The following CSMD1 variants were observed in gnomAD, a reference collection of about 807,000 sequenced individuals.
The protein encoded by CSMD1 is CUB and sushi domain-containing protein 1.
Under a neutral mutation model 417.5 loss-of-function variants are expected in CSMD1, and 213 were observed. That is an observed-to-expected ratio of 0.51 (90% CI 0.46 to 0.57). The LOEUF (loss-of-function observed/expected upper bound fraction) is 0.57. Among genes scored for constraint, CSMD1 ranks in the 20% least tolerant of loss-of-function variants. The probability of loss-of-function intolerance (pLI) is 0.00; values close to 1 mark genes in which losing one functional copy is unlikely to be tolerated. For missense variants in CSMD1, 6,923 were observed against 4,529.7 expected (o/e 1.53, Z -15.17); for synonymous variants, 2,862 against 1,736.8 (o/e 1.65, Z -16.11).
intron 3 of CSMD1, among the ~76,000 whole-genome samples, chr8:4,371,248 C>A (rs1255663982): frequency 6.6e-6 from 1 of 152,124 alleles, no homozygotes; most frequent in Non-Finnish European, 1.5e-5. Flanking sequence ...AGGACCAGGT[C>A]AGCAGTTTGG....
chr8:4,452,161 CA>C (rs1799184090), intron 2 of CSMD1, among the ~76,000 whole-genome samples: 1 of 152,040 alleles, frequency 6.6e-6, no homozygotes, highest in African/African-American at 2.4e-5. Context: ...TGGGAGTTTC[CA>C]TGCCTCTTCC....
intron 1 of CSMD1, among the ~76,000 whole-genome samples, chr8:4,830,638 T>C (rs946439177): frequency 3.9e-5 from 6 of 152,244 alleles, no homozygotes; most frequent in African/African-American, 1.4e-4. Flanking sequence ...TGGTAGTTTT[T>C]TATTGCTAAG....
At chr8:4,452,592 G>A (rs765067567) in intron 2 of CSMD1, among the ~76,000 whole-genome samples, 35 of 152,084 alleles carry the variant, frequency 2.3e-4, no homozygotes, top group Admixed American at 9.2e-4. Flanking sequence ...TCAGAAAACC[G>A]GTAACGAAAA....
intron 2 of CSMD1, among the ~76,000 whole-genome samples, chr8:4,489,381 A>G (rs568053506): frequency 1.2e-4 from 18 of 152,216 alleles, no homozygotes; most frequent in Admixed American, 1.0e-3. Context: ...TATATTTCAC[A>G]TGCAATCCCC....
intron 4 of CSMD1, among the ~76,000 whole-genome samples, chr8:3,999,326 T>C (rs1246728606): frequency 6.6e-6 from 1 of 152,150 alleles, no homozygotes; most frequent in East Asian, 1.9e-4. Context: ...TCTTACAAAG[T>C]GCATATCTTC....
intron 1 of CSMD1, among the ~76,000 whole-genome samples, chr8:4,855,488 C>T (rs111535480): frequency 0.2 from 29,744 of 151,856 alleles, 3,781 homozygotes; most frequent in Non-Finnish European, 0.28. Flanking sequence ...GACATTCAAA[C>T]GAAAGGCAAA....
At chr8:3,095,239 A>G (rs1815215583) in intron 47 of CSMD1, among the ~76,000 whole-genome samples, 1 of 152,186 alleles carries the variant, frequency 6.6e-6, no homozygotes, top group Admixed American at 6.5e-5. Flanking sequence ...CTATATATAC[A>G]CAAACACAAA....
chr8:4,071,438 A>C (rs1028611097), intron 3 of CSMD1, among the ~76,000 whole-genome samples: 1 of 152,048 alleles, frequency 6.6e-6, no homozygotes, highest in Non-Finnish European at 1.5e-5. Context: ...TATTCATTTG[A>C]TTTTCATTTT....
chr8:3,648,809 T>G (rs17066764), intron 7 of CSMD1, among the ~76,000 whole-genome samples: 10,390 of 137,860 alleles, frequency 0.075, 702 homozygotes, highest in East Asian at 0.18. Flanking sequence ...GGCACCCCTC[T>G]CAGAACATGA....
intron 7 of CSMD1, chr8:3,704,893 G>A (rs1289014718): frequency 6.6e-6 from 1 of 152,236 alleles, no homozygotes. Context: ...ATAATGAACA[G>A]GACTTTGGGT....
At chr8:4,886,614 CTG>C (rs1803756946) in intron 1 of CSMD1, among the ~76,000 whole-genome samples, 1 of 151,948 alleles carries the variant, frequency 6.6e-6, no homozygotes, top group African/African-American at 2.4e-5. Flanking sequence ...AGCAGTAAAA[CTG>C]TGATGCCTGG....
At chr8:4,045,731 G>T (rs767299356) in intron 3 of CSMD1, among the ~76,000 whole-genome samples, 1 of 152,152 alleles carries the variant, frequency 6.6e-6, no homozygotes, top group Non-Finnish European at 1.5e-5. Flanking sequence ...AAAATAAAAC[G>T]TGTGAACACC....
intron 3 of CSMD1, among the ~76,000 whole-genome samples, chr8:4,188,041 C>G (rs1298991677): frequency 6.6e-6 from 1 of 152,078 alleles, no homozygotes; most frequent in Non-Finnish European, 1.5e-5. Flanking sequence ...ACAGTGCAAA[C>G]TTCGTCCTAG....
At chr8:4,036,040 T>A (rs946239343) in intron 3 of CSMD1, among the ~76,000 whole-genome samples, 1 of 152,230 alleles carries the variant, frequency 6.6e-6, no homozygotes, top group Non-Finnish European at 1.5e-5. Flanking sequence ...ACACATATAC[T>A]GACCATTATG....
intron 1 of CSMD1, among the ~76,000 whole-genome samples, chr8:4,959,961 G>C (rs73659419): frequency 0.015 from 2,299 of 152,172 alleles, 61 homozygotes; most frequent in African/African-American, 0.052. Context: ...CTTAAAAATA[G>C]GAAAATGTAT....
chr8:4,972,315 C>T (rs1413392769), intron 1 of CSMD1, among the ~76,000 whole-genome samples: 1 of 151,884 alleles, frequency 6.6e-6, no homozygotes, highest in Non-Finnish European at 1.5e-5. Flanking sequence ...TAATCCCCTA[C>T]TCCCGATAAT....
chr8:4,560,477 CCT>C (rs927127244), intron 2 of CSMD1, among the ~76,000 whole-genome samples: 116 of 152,262 alleles, frequency 7.6e-4, no homozygotes, highest in African/African-American at 2.7e-3. Flanking sequence ...ATTTTAGTAA[CCT>C]ATAACTGAAT....
chr8:3,400,636 G>C (rs1247095875), intron 15 of CSMD1, among the ~76,000 whole-genome samples: 1 of 151,818 alleles, frequency 6.6e-6, no homozygotes, highest in East Asian at 1.9e-4. Flanking sequence ...TGTTGATATG[G>C]GAAAATCTTT....
chr8:3,529,691 T>A (rs1306486836), intron 10 of CSMD1, among the ~76,000 whole-genome samples: 1 of 152,186 alleles, frequency 6.6e-6, no homozygotes, highest in African/African-American at 2.4e-5. Flanking sequence ...AAGCAACTCA[T>A]ATGTACAAAT....
Sources: gnomAD v4.1 joint callset for allele counts (sites outside exome capture counted in the v4.1 genomes callset) on GRCh38, gnomAD v4.1.1 for gene constraint, MANE v1.5 for transcripts, NCBI Gene and HGNC (gene_info 2026-07-23, HGNC 2026-07-21) for gene names.